The following CPEB3 variants were observed in gnomAD, a reference collection of about 807,000 sequenced individuals.
The protein encoded by CPEB3 is cytoplasmic polyadenylation element binding protein 3.
Under a neutral mutation model 67.2 loss-of-function variants are expected in CPEB3, and 20 were observed. The ratio of observed to expected loss-of-function variants is 0.30; its 90% confidence interval spans 0.21 to 0.43. The LOEUF is 0.43. Among genes scored for constraint, CPEB3 ranks in the 20% least tolerant of loss-of-function variants. The pLI, the probability that CPEB3 is intolerant of heterozygous loss-of-function variation, is 1.00. For synonymous variants in CPEB3, 376 were observed against 393.1 expected (o/e 0.96, Z 0.51); for missense variants, 746 against 968.6 (o/e 0.77, Z 3.05).
At chr10:92,191,149 C>A (rs1459098367) in intron 3 of CPEB3, among the ~76,000 whole-genome samples, 1 of 152,010 alleles carries the variant, frequency 6.6e-6, no homozygotes, top group African/African-American at 2.4e-5. Flanking sequence ...CGGTGGCACT[C>A]CCAGCACTTT....
chr10:92,089,557 C>T (rs759035930), intron 8 of CPEB3, among the ~76,000 whole-genome samples: 1 of 152,012 alleles, frequency 6.6e-6, no homozygotes, highest in Non-Finnish European at 1.5e-5. Context: ...GAGGCCGAGG[C>T]GGGTGAATCA....
intron 3 of CPEB3, among the ~76,000 whole-genome samples, chr10:92,186,208 C>CAA (rs1353287748): frequency 1.6e-4 from 7 of 44,328 alleles, no homozygotes; most frequent in African/African-American, 4.7e-4. Flanking sequence ...CCTGTCTCCA[C>CAA]AAAAAAAAAA....
chr10:92,128,499 G>A (rs1213962195), intron 6 of CPEB3, among the ~76,000 whole-genome samples: 2 of 152,038 alleles, frequency 1.3e-5, no homozygotes, highest in East Asian at 3.9e-4. Flanking sequence ...ATGAAAATTG[G>A]TAACTAATTA....
In CPEB3 at chr10:92,240,292, T is replaced by C. The variant is rs1286803810; in HGVS notation, c.59A>G (p.Gln20Arg). The C allele has an allele frequency of 1.3e-6, 2 of 1,502,308 alleles. No homozygotes were observed. The highest frequency in any genetic ancestry group is 2.6e-5 in the South Asian group (2 of 76,972). The allele number at this position is 1,502,308 out of a possible 1,614,324, so 93.1% of individuals were successfully genotyped here. A position where few individuals can be genotyped will look rare whatever the true frequency, so the allele number is the denominator to read the frequency against. ...AGGTTGGGGCTGCTGCTGCTGCCGC[T>C]GCTGCTGCTGGGGCTGGGGCTGGGT... Reference protein sequence around the residue: ...SKTQPQPQQQQRQQQQPQPES... With the variant: ...SKTQPQPQQQRRQQQQPQPES... The change falls in exon 2 of 10, where the codon CAG becomes CGG. Residue 20 changes from glutamine to arginine, a missense_variant. Physicochemically the swap from Gln to Arg is conservative, Grantham distance 43. Transcript: ENST00000265997.
In CPEB3 at chr10:92,211,621, CT is replaced by C. The variant is rs1275207493; in HGVS notation, c.1006-18986del. ...GCGCGATCTTGGCTCACTGCAACCT[CT>C]GCCTCTCAGGTTCAAGCAATTCTCC... is the stretch of plus-strand genomic sequence containing the variant. On this transcript the variant is annotated intron_variant, in intron 2 of 9. Transcript: ENST00000265997. Among the ~76,000 whole-genome samples the C allele has an allele frequency of 4.0e-5, 6 of 151,382 alleles. No individual in the cohort carries two copies. In the East Asian group the frequency reaches 1.2e-3, roughly 29 times the overall value.
chr10:92,242,776 C>G (rs951546556), intron 1 of CPEB3, among the ~76,000 whole-genome samples: 2 of 152,180 alleles, frequency 1.3e-5, no homozygotes, highest in Non-Finnish European at 2.9e-5. Context: ...TTAACATATT[C>G]ATTGAATTTT....
At chr10:92,219,832 T>C (rs889604788) in intron 2 of CPEB3, among the ~76,000 whole-genome samples, 1 of 152,172 alleles carries the variant, frequency 6.6e-6, no homozygotes, top group Non-Finnish European at 1.5e-5. Flanking sequence ...ATCTTTGAAA[T>C]GTTGAGAAAT....
At chr10:92,114,656 T>C (rs1408271022) in intron 6 of CPEB3, among the ~76,000 whole-genome samples, 1 of 152,224 alleles carries the variant, frequency 6.6e-6, no homozygotes, top group African/African-American at 2.4e-5. Context: ...GTAAGCCCTA[T>C]TTTGAATTCT....
At chr10:92,136,028 G>A (rs1438506675) in intron 6 of CPEB3, among the ~76,000 whole-genome samples, 1 of 151,798 alleles carries the variant, frequency 6.6e-6, no homozygotes, top group Admixed American at 6.6e-5. Context: ...GGGGGCAGGG[G>A]GAGGGATAGC....
intron 9 of CPEB3, among the ~76,000 whole-genome samples, chr10:92,052,998 A>C (rs1263140938): frequency 6.6e-6 from 1 of 152,194 alleles, no homozygotes; most frequent in Non-Finnish European, 1.5e-5. Flanking sequence ...AGCTGAAGGG[A>C]GATGCTGCTG....
chr10:92,082,240 T>G (rs1843182430), intron 8 of CPEB3, among the ~76,000 whole-genome samples: 1 of 152,006 alleles, frequency 6.6e-6, no homozygotes, highest in East Asian at 1.9e-4. Flanking sequence ...CCTGTACTCC[T>G]TGTCACATTT....
rs1554874496 is a variant in CPEB3 at position 92,048,408 on chromosome 10, C to CACACACAT, written c.*3803_*3804insATGTGTGT. On this transcript the variant is annotated 3_prime_UTR_variant, in exon 10 of 10. Coordinates refer to ENST00000265997, the MANE Select transcript of CPEB3 (RefSeq NM_014912.5). The surrounding 1 kb of genome is among the most constrained non-coding windows in gnomAD (Gnocchi z 4.1). Reference sequence around the variant, plus strand: ...TCTCTCACACACACACACACACACACGACATAATGACGAGTTAGAGGGGAA... The same window carrying CACACACAT: ...TCTCTCACACACACACACACACACACACACACATGACATAATGACGAGTTAGAGGGGAA... 5 of 148,888 alleles carry CACACACAT rather than the reference C, an allele frequency of 3.4e-5. No homozygotes were observed. The East Asian group carries it at 5.9e-4, about 18-fold the overall frequency. The allele number at this position is 148,888 out of a possible 1,614,324, so 9.2% of individuals were successfully genotyped here. A position where few individuals can be genotyped will look rare whatever the true frequency, so the allele number is the denominator to read the frequency against.
intron 3 of CPEB3, among the ~76,000 whole-genome samples, chr10:92,183,955 T>C (rs978413675): frequency 2.0e-5 from 3 of 152,226 alleles, no homozygotes; most frequent in Non-Finnish European, 4.4e-5. Context: ...TATAACTACT[T>C]AGTTTCCCAA....
At chr10:92,249,354 G>A (rs1014823085) in intron 1 of CPEB3, among the ~76,000 whole-genome samples, 1 of 149,158 alleles carries the variant, frequency 6.7e-6, no homozygotes, top group Non-Finnish European at 1.5e-5. Flanking sequence ...ACTCCAGTCT[G>A]GTGACAGAGC....
chr10:92,095,912 G>C (rs1339096384), intron 7 of CPEB3, among the ~76,000 whole-genome samples: 2 of 151,490 alleles, frequency 1.3e-5, no homozygotes, highest in Non-Finnish European at 1.5e-5. Flanking sequence ...GTCTTGCTCT[G>C]TCGCCCAGGC....
In CPEB3 at chr10:92,052,163, TC is replaced by T. The variant is rs944450827; in HGVS notation, c.*48del. On this transcript the variant is annotated 3_prime_UTR_variant, in exon 10 of 10. Coordinates refer to ENST00000265997, the MANE Select transcript of CPEB3 (RefSeq NM_014912.5). ...AGCCCTGAGGCAGTGCCCTCTCTTT[TC>T]CCTCCTTGTTATCTACTCCAGTACT... is the stretch of plus-strand genomic sequence containing the variant. The T allele has an allele frequency of 1.3e-5, 17 of 1,336,522 alleles. No homozygotes were observed. The African/African-American group carries it at 2.3e-4, about 18-fold the overall frequency. 82.8% of individuals were successfully genotyped at this position (1,336,522 alleles called of 1,614,324 possible).
intron 7 of CPEB3, among the ~76,000 whole-genome samples, chr10:92,092,178 C>T (rs1344255091): frequency 6.6e-6 from 1 of 152,130 alleles, no homozygotes; most frequent in East Asian, 1.9e-4. Flanking sequence ...TACCATGAAA[C>T]CATCAGAAAC....
intron 1 of CPEB3, among the ~76,000 whole-genome samples, chr10:92,265,040 T>C (rs2134936973): frequency 6.6e-6 from 1 of 151,890 alleles, no homozygotes; most frequent in East Asian, 2.0e-4. Context: ...TGTGCGCCTG[T>C]GGTCCCAGCT....
At chr10:92,170,218 A>C (rs1847938956) in intron 4 of CPEB3, among the ~76,000 whole-genome samples, 1 of 152,146 alleles carries the variant, frequency 6.6e-6, no homozygotes, top group Admixed American at 6.5e-5. Flanking sequence ...GCTATACCAC[A>C]TTTCAGTGTC....
Sources: allele counts gnomAD v4.1 joint callset (sites outside exome capture counted in the v4.1 genomes callset), GRCh38; gene constraint gnomAD v4.1.1; non-coding constraint Gnocchi (gnomAD v3.1); transcripts MANE v1.5; gene names NCBI Gene and HGNC (gene_info 2026-07-23, HGNC 2026-07-21).